Variants in PRKCH observed in about 807,000 individuals in gnomAD.
PRKCH encodes protein kinase C eta.
PRKCH carries 28 observed loss-of-function variants against 82.5 expected under a neutral mutation model. The ratio of observed to expected loss-of-function variants is 0.34; its 90% confidence interval spans 0.25 to 0.47. PRKCH has a LOEUF of 0.47. Ranked by LOEUF, PRKCH falls within the 20% of genes least tolerant of loss-of-function variation. The pLI, the probability that PRKCH is intolerant of heterozygous loss-of-function variation, is 1.00. For missense variants in PRKCH, 705 were observed against 881.8 expected, an observed-to-expected ratio of 0.80 and a Z score of 2.54; for synonymous variants, 322 against 327.4, an observed-to-expected ratio of 0.98 and a Z score of 0.18.
chr14:61,379,977 C>T (rs566677716), intron 1 of PRKCH, among the ~76,000 whole-genome samples: 1 of 152,282 alleles, frequency 6.6e-6, no homozygotes, highest in African/African-American at 2.4e-5. Context: ...TTTCTTACTC[C>T]AGGGTCTCCT....
At chr14:61,464,629 C>T (rs1369785879) in intron 9 of PRKCH, among the ~76,000 whole-genome samples, 1 of 152,144 alleles carries the variant, frequency 6.6e-6, no homozygotes, top group Non-Finnish European at 1.5e-5. Flanking sequence ...TGAGTGAGAA[C>T]ATGTGGTGTT....
chr14:61,334,725 T>G (rs1186482358), intron 1 of PRKCH, among the ~76,000 whole-genome samples: 1 of 152,176 alleles, frequency 6.6e-6, no homozygotes, highest in East Asian at 1.9e-4. Context: ...CTCTGATGAT[T>G]AGTTTTTTCT....
chr14:61,243,014 C>T (rs1054704431), intron 1 of PRKCH, among the ~76,000 whole-genome samples: 2 of 152,046 alleles, frequency 1.3e-5, no homozygotes. Context: ...ATTGCTTTCT[C>T]TACAGAGAAG....
intron 1 of PRKCH, chr14:61,281,565 G>A (rs1259596196): frequency 5.9e-6 from 1 of 170,168 alleles, no homozygotes. Context: ...CCTGGCTCAG[G>A]TACCACCTTC....
At chr14:61,431,086 T>A (rs1468048379) in intron 2 of PRKCH, among the ~76,000 whole-genome samples, 1 of 152,202 alleles carries the variant, frequency 6.6e-6, no homozygotes, top group East Asian at 1.9e-4. Context: ...TCTCAGGCGT[T>A]GGATGAGTGG....
intron 10 of PRKCH, among the ~76,000 whole-genome samples, chr14:61,512,426 C>T (rs902133694): frequency 6.6e-6 from 1 of 151,850 alleles, no homozygotes; most frequent in Non-Finnish European, 1.5e-5. Flanking sequence ...GGGAACCAGC[C>T]GATTCCTAGT....
chr14:61,492,583 C>T lies in PRKCH; in HGVS notation c.1433+6927C>T, dbSNP rs1380235022. 3.9e-5 allele frequency among the ~76,000 whole-genome samples: 6 copies of T among 152,142 alleles called. No homozygotes were observed. In the East Asian group the frequency reaches 1.2e-3, roughly 29 times the overall value. On this transcript the variant is annotated intron_variant, in intron 10 of 13. Coordinates refer to ENST00000332981, the MANE Select transcript of PRKCH (RefSeq NM_006255.5). ...CTTACAGCTGGCATGAAGAGCAAAC[C>T]AAGACATTTTGAGGCATTCAACCCT...
intron 2 of PRKCH, among the ~76,000 whole-genome samples, chr14:61,423,494 A>G (rs750331097): frequency 2.0e-5 from 3 of 152,350 alleles, no homozygotes; most frequent in African/African-American, 2.4e-5. Flanking sequence ...AGAGCATGCC[A>G]TTAGCTGGAG....
At chr14:61,297,907 T>G (rs1566810988) in intron 1 of PRKCH, among the ~76,000 whole-genome samples, 1 of 152,186 alleles carries the variant, frequency 6.6e-6, no homozygotes, top group Non-Finnish European at 1.5e-5. Context: ...CATTTACAAA[T>G]TACAAATCAT....
At position 61,443,200 on chromosome 14, in the gene PRKCH, A is replaced by G; in HGVS notation, c.517A>G (p.Lys173Glu). 4 of 1,614,110 alleles carry G rather than the reference A, an allele frequency of 2.5e-6. No homozygotes were observed. The highest frequency in any genetic ancestry group is 3.4e-6 in the Non-Finnish European group (4 of 1,179,974). Residue 173 changes from lysine (K) to glutamate (E), a missense_variant, in exon 3 of 14, where the codon AAG (lysine) becomes GAG (glutamate). Transcript: ENST00000332981. The part of the protein sequence containing the change: ...RRRVHQINGH[K>E]FMATYLRQPT... ...GCGAGTCCACCAGATCAATGGACAC[A>G]AGTTCATGGCCACGTATCTGAGGCA...
At chr14:61,353,928 C>G (rs953823018) in intron 1 of PRKCH, 1 of 151,928 alleles carries the variant, frequency 6.6e-6, no homozygotes, top group East Asian at 1.9e-4. Context: ...CAGAGTGAGA[C>G]CCTACCTCTG....
chr14:61,247,735 C>A (rs74447343), intron 1 of PRKCH, among the ~76,000 whole-genome samples: 58 of 52,714 alleles, frequency 1.1e-3, no homozygotes, highest in Admixed American at 1.8e-3. Context: ...GACTCCATCT[C>A]AAAAAAAAAA....
chr14:61,472,344 T>G (rs912634022), intron 9 of PRKCH, among the ~76,000 whole-genome samples: 23 of 152,324 alleles, frequency 1.5e-4, no homozygotes, highest in African/African-American at 5.5e-4. Context: ...AGGCATTGAG[T>G]CAGTGGCATT....
At chr14:61,363,217 A>T (rs536844015) in intron 1 of PRKCH, among the ~76,000 whole-genome samples, 1 of 152,228 alleles carries the variant, frequency 6.6e-6, no homozygotes, top group Non-Finnish European at 1.5e-5. Context: ...AGTATACTCT[A>T]TGAAGGCTTA....
In PRKCH at chr14:61,443,183, A is replaced by C; in HGVS notation, c.500A>C (p.His167Pro). ...CAAAGGGCTATGCGAAGGCGAGTCC[A>C]CCAGATCAATGGACACAAGTTCATG... ...KRQRAMRRRVHQINGHKFMAT... is the reference protein window; with the variant it reads ...KRQRAMRRRVPQINGHKFMAT... Residue 167 changes from histidine to proline, a missense_variant, in exon 3 of 14, where the codon CAC (histidine) becomes CCC (proline). By Grantham distance (77) the His-to-Pro change is moderately conservative. This residue lies in a region of PRKCH where 246 missense variants were observed against 308.0 expected (regional missense o/e 0.80). Coordinates refer to ENST00000332981, the MANE Select transcript of PRKCH (RefSeq NM_006255.5). The C allele has an allele frequency of 6.2e-7, 1 of 1,614,138 alleles. No homozygotes were observed. The highest frequency in any genetic ancestry group is 8.5e-7 in the Non-Finnish European group (1 of 1,179,992).
At chr14:61,192,838 C>T (rs2044415294) in intron 1 of PRKCH, among the ~76,000 whole-genome samples, 1 of 152,214 alleles carries the variant, frequency 6.6e-6, no homozygotes, top group Non-Finnish European at 1.5e-5. Context: ...TTTTGGACTT[C>T]ACCTTCCCTT....
At chr14:61,482,851 C>G (rs368625431) in intron 9 of PRKCH, among the ~76,000 whole-genome samples, 18 of 152,324 alleles carry the variant, frequency 1.2e-4, no homozygotes, top group Middle Eastern at 3.4e-3. Context: ...TTTTCTCCCC[C>G]CAGATCTGGA....
chr14:61,464,313 G>T (rs997159767), intron 9 of PRKCH, among the ~76,000 whole-genome samples: 1 of 151,238 alleles, frequency 6.6e-6, no homozygotes, highest in African/African-American at 2.4e-5. Flanking sequence ...TATCCCCAAT[G>T]ATTAGTGATA....
chr14:61,449,328 C>T (rs2140284317), intron 5 of PRKCH, 76 bp downstream of exon 5: 4 of 1,262,702 alleles, frequency 3.2e-6, no homozygotes, highest in Non-Finnish European at 4.6e-6. Context: ...CTCTCCCTCC[C>T]TCCCTCCTTT....
Sources: gnomAD v4.1 joint callset for allele counts (sites outside exome capture counted in the v4.1 genomes callset) on GRCh38, gnomAD v4.1.1 for gene constraint, gnomAD v4.1.1 regional missense constraint, MANE v1.5 for transcripts, NCBI Gene and HGNC (gene_info 2026-07-23, HGNC 2026-07-21) for gene names.